RALGPS1: variants seen among roughly 807,000 people sequenced by gnomAD.
RALGPS1 encodes the protein Ral GEF with PH domain and SH3 binding motif 1.
RALGPS1 carries 19 observed loss-of-function variants against 78.8 expected under a neutral mutation model. The observed-to-expected ratio is 0.24, with a 90% CI of 0.17 to 0.35. The LOEUF (loss-of-function observed/expected upper bound fraction) is 0.35. Ranked by LOEUF, RALGPS1 falls within the 10% of genes least tolerant of loss-of-function variation. The probability of loss-of-function intolerance (pLI) is 1.00; values close to 1 mark genes in which losing one functional copy is unlikely to be tolerated. For missense variants in RALGPS1, 454 were observed against 688.3 expected, an observed-to-expected ratio of 0.66 and a Z score of 3.81; for synonymous variants, 228 against 256.3, an observed-to-expected ratio of 0.89 and a Z score of 1.06.
In RALGPS1 at chr9:127,219,342, C is replaced by T. The variant is rs1160373262; in HGVS notation, c.*573C>T. 2 of 155,708 alleles carry T rather than the reference C, an allele frequency of 1.3e-5. No homozygotes were observed. The highest frequency in any genetic ancestry group is 2.0e-4 in the South Asian group (1 of 5,032). The allele number at this position is 155,708 out of a possible 1,614,324, so 9.6% of individuals were successfully genotyped here. A position where few individuals can be genotyped will look rare whatever the true frequency, so the allele number is the denominator to read the frequency against. On this transcript the variant is annotated 3_prime_UTR_variant, in exon 19 of 19. Coordinates refer to ENST00000259351, the MANE Select transcript of RALGPS1 (RefSeq NM_014636.3). The surrounding 1 kb of genome is among the most constrained non-coding windows in gnomAD (Gnocchi z 5.0). Reference sequence around the variant, plus strand: ...GACTCGTGACATCACACACTTCATTCGCTTTGAGGCCCTGCTTTAACCTTA... The same window carrying T: ...GACTCGTGACATCACACACTTCATTTGCTTTGAGGCCCTGCTTTAACCTTA...
At chr9:127,136,655 G>C (rs1564645828) in intron 8 of RALGPS1, among the ~76,000 whole-genome samples, 1 of 152,024 alleles carries the variant, frequency 6.6e-6, no homozygotes, top group East Asian at 1.9e-4. Context: ...CTCAGCCCTG[G>C]CCCCCCCAGA....
intron 2 of RALGPS1, 92 bp from the exon 3 acceptor site, chr9:126,965,752 T>C (rs2039424390): frequency 2.2e-6 from 2 of 924,762 alleles, no homozygotes; most frequent in Non-Finnish European, 3.5e-6. Flanking sequence ...ACTATTCCAT[T>C]GCTCTCCCAT....
At chr9:127,000,317 G>A (rs2043171103) in intron 4 of RALGPS1, among the ~76,000 whole-genome samples, 1 of 152,034 alleles carries the variant, frequency 6.6e-6, no homozygotes, top group African/African-American at 2.4e-5. Flanking sequence ...CATTGCTAAT[G>A]TAGGCATCTA....
At chr9:127,189,655 T>G (rs764818748) in intron 11 of RALGPS1, among the ~76,000 whole-genome samples, 2 of 152,184 alleles carry the variant, frequency 1.3e-5, no homozygotes, top group Non-Finnish European at 2.9e-5. Flanking sequence ...AGTTTCAGAA[T>G]GGGGCTATTT....
intron 17 of RALGPS1, among the ~76,000 whole-genome samples, chr9:127,214,526 C>T (rs982427859): frequency 6.6e-6 from 1 of 152,200 alleles, no homozygotes; most frequent in African/African-American, 2.4e-5. Context: ...TGTCCACAGG[C>T]TTAACCAGAC....
chr9:127,011,718 G>A (rs984959205), intron 4 of RALGPS1, among the ~76,000 whole-genome samples: 1 of 152,070 alleles, frequency 6.6e-6, no homozygotes, highest in Non-Finnish European at 1.5e-5. Flanking sequence ...ACTTTTATAG[G>A]ACCATAGGAT....
At chr9:127,073,242 C>T (rs1262303395) in intron 8 of RALGPS1, among the ~76,000 whole-genome samples, 2 of 152,226 alleles carry the variant, frequency 1.3e-5, no homozygotes, top group Non-Finnish European at 2.9e-5. Flanking sequence ...TTCCCACCCA[C>T]ACACACTTCC....
At position 126,927,125 on chromosome 9, in the gene RALGPS1, G is replaced by A. The variant is rs73587314; in HGVS notation, c.-66+12150G>A. 5.0e-3 allele frequency among the ~76,000 whole-genome samples: 761 copies of A among 152,230 alleles called. 8 individuals carry two copies. The highest frequency in any genetic ancestry group is 0.017 in the African/African-American group (716 of 41,516). On this transcript the variant is annotated intron_variant, in intron 1 of 18. Transcript: ENST00000259351. ...CATCAGAGTCCTCTGTAGTGTTTGC[G>A]GGGAGGGAGGCTGGTAGTCTTATGT... is the stretch of plus-strand genomic sequence containing the variant.
At chr9:127,194,310 A>G (rs547347962) in intron 11 of RALGPS1, among the ~76,000 whole-genome samples, 1 of 152,292 alleles carries the variant, frequency 6.6e-6, no homozygotes, top group South Asian at 2.1e-4. Flanking sequence ...TCTGAACCCT[A>G]TCTGTCTAGC....
At chr9:126,960,970 G>A (rs1034442480) in intron 1 of RALGPS1, among the ~76,000 whole-genome samples, 3 of 151,960 alleles carry the variant, frequency 2.0e-5, no homozygotes, top group South Asian at 2.1e-4. Context: ...CTTGACTGCC[G>A]CAGCCTCAGC....
At chr9:127,018,207 C>T (rs552175512) in intron 4 of RALGPS1, among the ~76,000 whole-genome samples, 17 of 150,882 alleles carry the variant, frequency 1.1e-4, no homozygotes, top group Middle Eastern at 3.5e-3. Flanking sequence ...AGCAAGACTC[C>T]GTCTCAAACA....
At chr9:127,062,508 A>T (rs946668290) in intron 7 of RALGPS1, among the ~76,000 whole-genome samples, 11 of 152,238 alleles carry the variant, frequency 7.2e-5, no homozygotes, top group African/African-American at 2.4e-4. Flanking sequence ...AAGATATTAC[A>T]ACCGTATCAA....
rs896378442 is a variant in RALGPS1 at position 127,218,667 on chromosome 9, C to A, written c.1645-73C>A. 2 of 1,496,790 alleles carry A rather than the reference C, an allele frequency of 1.3e-6. No individual in the cohort carries two copies. Among genetic ancestry groups the A allele is most frequent in the Admixed American group, 1.7e-5 (1 of 59,818 alleles). The allele number at this position is 1,496,790 out of a possible 1,614,324, so 92.7% of individuals were successfully genotyped here. On this transcript the variant is annotated intron_variant, in intron 18 of 18. Transcript: ENST00000259351. This position sits in a 1 kb window ranked among gnomAD's most constrained non-coding sequence, Gnocchi z 4.4. ...ACTCACGGGGAAAGGCCTGTCCCTT[C>A]CCCTAGGGACCACCACCCCTTGTCC... is the stretch of plus-strand genomic sequence containing the variant.
chr9:127,176,413 C>T lies in RALGPS1; in HGVS notation c.910+1631C>T, dbSNP rs3780328. 3.4e-4 allele frequency among the ~76,000 whole-genome samples: 52 copies of T among 152,208 alleles called. No individual in the cohort carries two copies. In the East Asian group the frequency reaches 8.9e-3, roughly 26 times the overall value. On this transcript the variant is annotated intron_variant, in intron 11 of 18. Transcript: ENST00000259351. ...TCACCTACAACTGACCTGTGGGGGA[C>T]GAGGAGGGAGCAGGGCAGGGTTCCT...
chr9:127,079,356 T>G (rs1198693931), intron 8 of RALGPS1, among the ~76,000 whole-genome samples: 1 of 152,252 alleles, frequency 6.6e-6, no homozygotes, highest in Non-Finnish European at 1.5e-5. Context: ...AAGACCAACC[T>G]GGAGCCATTG....
At chr9:126,917,118 C>T (rs2034251070) in intron 1 of RALGPS1, among the ~76,000 whole-genome samples, 1 of 152,122 alleles carries the variant, frequency 6.6e-6, no homozygotes, top group Non-Finnish European at 1.5e-5. Context: ...TCCCTCATTA[C>T]CACTAGTTGG....
intron 11 of RALGPS1, among the ~76,000 whole-genome samples, chr9:127,193,558 T>G (rs2061193076): frequency 6.6e-6 from 1 of 152,076 alleles, no homozygotes; most frequent in Non-Finnish European, 1.5e-5. Flanking sequence ...GCCTCCTGAA[T>G]CTGCCAAAAT....
intron 8 of RALGPS1, among the ~76,000 whole-genome samples, chr9:127,148,377 C>T (rs1284182376): frequency 6.6e-6 from 1 of 152,168 alleles, no homozygotes; most frequent in Non-Finnish European, 1.5e-5. Context: ...ATTGTCAGGC[C>T]CATAAGGGGA....
In RALGPS1 at chr9:127,040,020, A is replaced by G. The variant is rs112716482; in HGVS notation, c.300+5506A>G. Among the ~76,000 whole-genome samples, 4 of 152,330 alleles carry G rather than the reference A, an allele frequency of 2.6e-5. 1 individual carries two copies. The highest frequency in any genetic ancestry group is 9.6e-5 in the African/African-American group (4 of 41,576). On this transcript the variant is annotated intron_variant, in intron 5 of 18. Transcript: ENST00000259351. ...TAGGAGTAGGTGCATGGAAGAGCAAATGGTTAGACCCATCCCCTTAGGGGT... is the reference window on the plus strand; with the variant it reads ...TAGGAGTAGGTGCATGGAAGAGCAAGTGGTTAGACCCATCCCCTTAGGGGT...
Sources: gnomAD v4.1 joint callset for allele counts (sites outside exome capture counted in the v4.1 genomes callset) on GRCh38, gnomAD v4.1.1 for gene constraint, Gnocchi (gnomAD v3.1) non-coding constraint, MANE v1.5 for transcripts, NCBI Gene and HGNC (gene_info 2026-07-23, HGNC 2026-07-21) for gene names.